The following MIA2 variants were observed in gnomAD, a reference collection of about 807,000 sequenced individuals.
MIA2 encodes melanoma inhibitory activity protein 2.
In MIA2, 127 loss-of-function variants were observed where a neutral mutation model predicts 167.8. The observed-to-expected ratio is 0.76, with a 90% CI of 0.66 to 0.88. The LOEUF is 0.88. MIA2 is among the 40% of genes least tolerant of loss of function. The pLI is 0.00. For synonymous variants in MIA2, 552 were observed against 541.9 expected (o/e 1.02, Z -0.26); for missense variants, 1,690 against 1,624.7 (o/e 1.04, Z -0.69).
At chr14:39,238,249 T>A (rs1426675150) in intron 2 of MIA2, among the ~76,000 whole-genome samples, 1 of 151,512 alleles carries the variant, frequency 6.6e-6, no homozygotes, top group African/African-American at 2.4e-5. Flanking sequence ...TTCAGCTCAC[T>A]GCAACCTCTA....
chr14:39,258,037 T>G (rs1467929792), intron 6 of MIA2, among the ~76,000 whole-genome samples: 10 of 152,204 alleles, frequency 6.6e-5, no homozygotes, highest in Admixed American at 5.9e-4. Context: ...CATTTCAACC[T>G]TGGTGAATCT....
At chr14:39,253,558 T>A (rs2054670512) in intron 6 of MIA2, 1 of 212,598 alleles carries the variant, frequency 4.7e-6, no homozygotes, top group Non-Finnish European at 9.1e-6. Context: ...TTTTACTGAA[T>A]GTAACAAGGA....
chr14:39,273,402 G>T (rs928900007), intron 6 of MIA2, among the ~76,000 whole-genome samples: 4 of 151,984 alleles, frequency 2.6e-5, no homozygotes, highest in Non-Finnish European at 5.9e-5. Flanking sequence ...GCCCAGGCTG[G>T]AGTGCAGTGG....
At position 39,247,705 on chromosome 14, in the gene MIA2, G is replaced by A; in HGVS notation, c.1131G>A (p.Trp377Ter). The A allele has an allele frequency of 1.2e-6, 2 of 1,611,394 alleles. No individual in the cohort carries two copies. The highest frequency in any genetic ancestry group is 1.7e-6 in the Non-Finnish European group (2 of 1,179,384). The change falls in exon 4 of 29, where the codon TGG (tryptophan) becomes TGA (stop). Residue 377 changes from tryptophan to a stop codon, truncating the protein, a stop_gained. Coordinates refer to ENST00000640607, the MANE Select transcript of MIA2 (RefSeq NM_001329214.4). LOFTEE classifies it high-confidence loss of function. ...ATAGCTTGAGTCTCAAGCCAAGTTG[G>A]TTTGATTTTGGTTTTGCTATACTAG... ...TNDSLSLKPS[W>*]FDFGFAILGF...
rs188110593 is a variant in MIA2 at position 39,375,760 on chromosome 14, T to A, written c.2249-11125T>A. Among the ~76,000 whole-genome samples the A allele has an allele frequency of 2.6e-4, 40 of 152,282 alleles. 1 individual carries two copies. The highest frequency in any genetic ancestry group is 3.4e-3 in the Middle Eastern group (1 of 294). On this transcript the variant is annotated intron_variant, in intron 23 of 23. Coordinates refer to the MIA2 transcript ENST00000341502. ...GGATGAGAAGTTCAAGGAAACAACC[T>A]GAAAATTAATATTTTGTTATTGCTT...
chr14:39,314,875 A>G, intron 20 of MIA2, 76 bp downstream of exon 20: 1 of 1,121,192 alleles, frequency 8.9e-7, no homozygotes, highest in Non-Finnish European at 1.2e-6. Context: ...ATTTCTTTGA[A>G]TTGATGCAGG....
chr14:39,268,226 G>C (rs954020332), intron 6 of MIA2, among the ~76,000 whole-genome samples: 2 of 151,994 alleles, frequency 1.3e-5, no homozygotes, highest in Non-Finnish European at 2.9e-5. Flanking sequence ...TTAAAAACTG[G>C]ATTAAATCTT....
chr14:39,281,748 A>G (rs1370331783), intron 9 of MIA2, among the ~76,000 whole-genome samples: 10 of 151,524 alleles, frequency 6.6e-5, no homozygotes, highest in East Asian at 1.9e-4. Flanking sequence ...CAGCCTCCCA[A>G]GTAGCTGGGA....
chr14:39,267,563 G>C, intron 6 of MIA2: 1 of 1,605,826 alleles, frequency 6.2e-7, no homozygotes, highest in Non-Finnish European at 8.5e-7. Context: ...CCCAGGGGTC[G>C]CGGGAGCCGC....
intron 6 of MIA2, chr14:39,269,073 A>ATTTTT: frequency 4.1e-5 from 15 of 361,968 alleles, no homozygotes; most frequent in Non-Finnish European, 4.7e-5. Flanking sequence ...TCACCTGCAC[A>ATTTTT]GTTTTTTTTT....
chr14:39,272,002 G>A (rs967765728), intron 6 of MIA2, among the ~76,000 whole-genome samples: 2 of 152,068 alleles, frequency 1.3e-5, no homozygotes, highest in African/African-American at 4.8e-5. Context: ...TGGTTTGTGA[G>A]TATGCAAAAA....
intron 25 of MIA2, among the ~76,000 whole-genome samples, chr14:39,343,626 C>T (rs2072539096): frequency 6.6e-6 from 1 of 152,058 alleles, no homozygotes; most frequent in African/African-American, 2.4e-5. Flanking sequence ...TCCATTCTTT[C>T]TTTCTAATCA....
chr14:39,263,259 A>T (rs1174594423), intron 6 of MIA2, among the ~76,000 whole-genome samples: 3 of 152,188 alleles, frequency 2.0e-5, no homozygotes. Flanking sequence ...CCTTTTCTGC[A>T]TGTATTGAGA....
intron 28 of MIA2, 127 bp from the exon 29 acceptor site, chr14:39,349,971 A>C (rs766353529): frequency 6.6e-6 from 3 of 455,774 alleles, no homozygotes; most frequent in Non-Finnish European, 1.2e-5. Flanking sequence ...TGTTAGATCA[A>C]GTAATTATCT....
At chr14:39,359,267 C>T (rs530469127) in intron 23 of MIA2, among the ~76,000 whole-genome samples, 4 of 152,206 alleles carry the variant, frequency 2.6e-5, no homozygotes, top group Non-Finnish European at 5.9e-5. Flanking sequence ...ACCCCTCCCC[C>T]AGCCTTGCTG....
intron 17 of MIA2, 139 bp from the exon 18 acceptor site, chr14:39,308,310 T>A: frequency 1.9e-6 from 1 of 530,472 alleles, no homozygotes; most frequent in South Asian, 3.9e-5. Flanking sequence ...GTAAACAGAA[T>A]CCCTTATAGA....
chr14:39,291,537 G>A (rs2060740558), intron 10 of MIA2, among the ~76,000 whole-genome samples: 1 of 152,212 alleles, frequency 6.6e-6, no homozygotes, highest in South Asian at 2.1e-4. Context: ...GATATTAAGA[G>A]CTAACTAGAA....
intron 9 of MIA2, among the ~76,000 whole-genome samples, chr14:39,285,421 G>T (rs2059511849): frequency 6.7e-6 from 1 of 148,542 alleles, no homozygotes; most frequent in East Asian, 2.1e-4. Flanking sequence ...TGGCCGGGCG[G>T]GGGCTGACCC....
intron 23 of MIA2, chr14:39,386,832 G>GC (rs1188127751): frequency 3.2e-6 from 3 of 923,734 alleles, no homozygotes; most frequent in Middle Eastern, 4.2e-4. Context: ...AGAATTCTCA[G>GC]CAACTCGTCT....
Sources: gnomAD v4.1 joint callset for allele counts (sites outside exome capture counted in the v4.1 genomes callset) on GRCh38, gnomAD v4.1.1 for gene constraint, MANE v1.5 for transcripts, NCBI Gene and HGNC (gene_info 2026-07-23, HGNC 2026-07-21) for gene names.